FHOD3: variants seen among roughly 807,000 people sequenced by gnomAD.
FHOD3 encodes the protein FH1/FH2 domain-containing protein 3.
A neutral mutation model predicts 173.0 loss-of-function variants in FHOD3; 90 were observed. The ratio of observed to expected loss-of-function variants is 0.52; its 90% confidence interval spans 0.44 to 0.62. FHOD3 has a LOEUF of 0.62. Among genes scored for constraint, FHOD3 ranks in the 20% least tolerant of loss-of-function variants. FHOD3 has a pLI of 0.00. For missense variants in FHOD3, 1,945 were observed against 2,034.7 expected (o/e 0.96, Z 0.85); for synonymous variants, 828 against 823.0 (o/e 1.01, Z -0.10).
rs1222517543 is a variant in FHOD3 at position 36,472,880 on chromosome 18, C to A, written c.338-29052C>A. Among the ~76,000 whole-genome samples, 6 of 152,124 alleles carry A rather than the reference C, an allele frequency of 3.9e-5. No homozygotes were observed. In the South Asian group the frequency reaches 6.2e-4, roughly 16 times the overall value. On this transcript the variant is annotated intron_variant, in intron 3 of 28. Transcript: ENST00000590592. Reference sequence around the variant, plus strand: ...AACACTGCTGTGAACATTGAAGGGGCATAAAGAGCTGGAATTTGAACCACT... The same window carrying A: ...AACACTGCTGTGAACATTGAAGGGGAATAAAGAGCTGGAATTTGAACCACT...
intron 23 of FHOD3, 107 bp downstream of exon 23, chr18:36,744,300 C>CAT (rs1173562776): frequency 1.8e-6 from 2 of 1,095,734 alleles, no homozygotes; most frequent in Admixed American, 5.0e-5. Flanking sequence ...TGCCCAAGTG[C>CAT]TGCCTGCATT....
intron 3 of FHOD3, among the ~76,000 whole-genome samples, chr18:36,481,813 T>TA (rs567702424): frequency 9.2e-4 from 138 of 149,800 alleles, no homozygotes; most frequent in African/African-American, 2.9e-3. Flanking sequence ...CCTACCCATT[T>TA]AAAAAAAAAA....
Position 36,501,962 on chromosome 18 carries a change from T to G in FHOD3, c.368T>G (p.Leu123Trp). The change falls in exon 4 of 29, where the codon TTG becomes TGG. Residue 123 changes from leucine to tryptophan, a missense_variant. Coordinates refer to ENST00000590592, the MANE Select transcript of FHOD3 (RefSeq NM_001281740.3). The stretch of plus-strand genomic sequence containing the variant: ...CTATACAACTCCAGCGGACGAGATT[T>G]GAGAAGGGCCCTCTTCTCCCTGAAG... ...EKLYNSSGRD[L>W]RRALFSLKQI... 1 of 1,607,286 alleles carries G rather than the reference T, an allele frequency of 6.2e-7. No individual in the cohort carries two copies. The highest frequency in any genetic ancestry group is 1.3e-5 in the African/African-American group (1 of 74,882).
intron 3 of FHOD3, among the ~76,000 whole-genome samples, chr18:36,441,048 TTGTG>T: frequency 6.6e-6 from 1 of 152,230 alleles, no homozygotes; most frequent in East Asian, 1.9e-4. Context: ...AATTGCATGG[TTGTG>T]TGTGTAAGGT....
rs35181859 is a variant in FHOD3, at chr18:36,455,576, TAAA to T, written c.338-46345_338-46343del. ...CGGCAATGTTCATTAAACCTTTAAT[TAAA>T]AAAAAAAAAAGCTGTCTAGGGATCA... On this transcript the variant is annotated intron_variant, in intron 3 of 28. Coordinates refer to ENST00000590592, the MANE Select transcript of FHOD3 (RefSeq NM_001281740.3). 9.1e-4 allele frequency among the ~76,000 whole-genome samples: 134 copies of T among 146,510 alleles called. 1 individual carries two copies. The highest frequency in any genetic ancestry group is 3.7e-3 in the East Asian group (19 of 5,082).
intron 3 of FHOD3, among the ~76,000 whole-genome samples, chr18:36,476,520 G>A (rs548507543): frequency 6.6e-6 from 1 of 152,182 alleles, no homozygotes; most frequent in African/African-American, 2.4e-5. Flanking sequence ...AGACCTGTGG[G>A]TGCAAGTTCT....
rs576763115 is a variant in FHOD3 at position 36,344,917 on chromosome 18, A to T, written c.166-10622A>T. Among the ~76,000 whole-genome samples, 354 of 152,362 alleles carry T rather than the reference A, an allele frequency of 2.3e-3. 1 individual carries two copies. The highest frequency in any genetic ancestry group is 3.3e-3 in the Non-Finnish European group (226 of 68,024). On this transcript the variant is annotated intron_variant, in intron 1 of 28. Transcript: ENST00000590592. Reference sequence around the variant, plus strand: ...AACAGACGTACTCTTCAGGCAGGAAATATTACTAGAGAGAAGGAGGAAATC... The same window carrying T: ...AACAGACGTACTCTTCAGGCAGGAATTATTACTAGAGAGAAGGAGGAAATC...
At chr18:36,771,280 C>A (rs184096512) in intron 28 of FHOD3, among the ~76,000 whole-genome samples, 44 of 152,300 alleles carry the variant, frequency 2.9e-4, no homozygotes, top group African/African-American at 9.6e-4. Flanking sequence ...GGGCATGAGA[C>A]CAGGAGTGGA....
chr18:36,617,633 G>A (rs933667835), intron 9 of FHOD3, among the ~76,000 whole-genome samples: 9 of 108,298 alleles, frequency 8.3e-5, no homozygotes, highest in African/African-American at 2.5e-4. Flanking sequence ...TAGTTAAGAT[G>A]TTTAGGTATC....
intron 3 of FHOD3, among the ~76,000 whole-genome samples, chr18:36,404,634 G>T (rs1254220530): frequency 6.6e-6 from 1 of 152,130 alleles, no homozygotes; most frequent in Admixed American, 6.5e-5. Context: ...TTTCTGACAA[G>T]CCCCTAGGTG....
intron 3 of FHOD3, among the ~76,000 whole-genome samples, chr18:36,423,605 A>G (rs901095841): frequency 6.6e-6 from 1 of 152,206 alleles, no homozygotes; most frequent in African/African-American, 2.4e-5. Context: ...AAGTACCTGG[A>G]GGCTCCATAG....
chr18:36,510,000 C>T (rs576060003), intron 4 of FHOD3, among the ~76,000 whole-genome samples: 1 of 152,340 alleles, frequency 6.6e-6, no homozygotes, highest in East Asian at 1.9e-4. Context: ...CTGGATTACA[C>T]AGGCAGCGGT....
At chr18:36,526,042 C>T (rs2056495806) in intron 5 of FHOD3, among the ~76,000 whole-genome samples, 1 of 152,228 alleles carries the variant, frequency 6.6e-6, no homozygotes, top group Admixed American at 6.5e-5. Context: ...CACTGGGCCA[C>T]CCTTGCTCTT....
intron 2 of FHOD3, among the ~76,000 whole-genome samples, chr18:36,367,698 C>T (rs992691049): frequency 3.3e-5 from 5 of 152,116 alleles, no homozygotes; most frequent in Admixed American, 6.5e-5. Flanking sequence ...TCCAGAGACA[C>T]AGAACCAAGA....
At chr18:36,740,332 C>T (rs970436963) in intron 20 of FHOD3, among the ~76,000 whole-genome samples, 1 of 152,102 alleles carries the variant, frequency 6.6e-6, no homozygotes, top group African/African-American at 2.4e-5. Context: ...TAAATTAATG[C>T]AGGAGAAGTG....
chr18:36,754,231 T>G lies in FHOD3; in HGVS notation c.4233-888T>G, dbSNP rs202025628. 8.5e-5 allele frequency among the ~76,000 whole-genome samples: 13 copies of G among 152,282 alleles called. No individual in the cohort carries two copies. The East Asian group carries it at 2.5e-3, about 29-fold the overall frequency. ...ACTTCATTATTCGTCTCAAAAAGAG[T>G]AAGCCAGTGTCCCTTATTTTAAAAA... is the stretch of plus-strand genomic sequence containing the variant. On this transcript the variant is annotated intron_variant, in intron 24 of 28. Coordinates refer to ENST00000590592, the MANE Select transcript of FHOD3 (RefSeq NM_001281740.3).
rs1555707334 is a variant in FHOD3, at chr18:36,444,201, A to AAAT, written c.338-57729_338-57728insTAA. On this transcript the variant is annotated intron_variant, in intron 3 of 28. Transcript: ENST00000590592. The stretch of plus-strand genomic sequence containing the variant: ...GAGTGAGACTCCGTCTCAAAAAAAA[A>AAAT]AAAAAAAAAAAGAATTGTAAATTTT... Among the ~76,000 whole-genome samples the AAAT allele has an allele frequency of 5.9e-5, 9 of 151,624 alleles. No individual in the cohort carries two copies. The East Asian group carries it at 1.4e-3, about 23-fold the overall frequency.
At chr18:36,439,837 G>T (rs138775987) in intron 3 of FHOD3, among the ~76,000 whole-genome samples, 1 of 152,254 alleles carries the variant, frequency 6.6e-6, no homozygotes, top group East Asian at 1.9e-4. Context: ...GGATGTTCCA[G>T]CAGAGAAAGC....
intron 13 of FHOD3, among the ~76,000 whole-genome samples, chr18:36,656,063 G>A (rs2644267): frequency 0.26 from 39,723 of 152,082 alleles, 5,347 homozygotes; most frequent in South Asian, 0.42. Context: ...CAGGCATGGA[G>A]CCTGTGTGGA....
Sources: gnomAD v4.1 joint callset for allele counts (sites outside exome capture counted in the v4.1 genomes callset) on GRCh38, gnomAD v4.1.1 for gene constraint, MANE v1.5 for transcripts, NCBI Gene and HGNC (gene_info 2026-07-23, HGNC 2026-07-21) for gene names.